Variants in CDCP1 observed in about 807,000 individuals in gnomAD.
CDCP1 encodes CUB domain containing protein 1.
In CDCP1, 29 loss-of-function variants were observed where a neutral mutation model predicts 60.2. The ratio of observed to expected loss-of-function variants is 0.48; its 90% CI spans 0.36 to 0.66. The LOEUF (loss-of-function observed/expected upper bound fraction) is 0.66, where lower values mean the gene tolerates loss of function less well. Ranked by LOEUF, CDCP1 falls within the 30% of genes least tolerant of loss-of-function variation. The pLI is 0.00. For missense variants in CDCP1, 876 were observed against 1,074.3 expected, an observed-to-expected ratio of 0.82 and a Z score of 2.58; for synonymous variants, 387 against 431.1, an observed-to-expected ratio of 0.90 and a Z score of 1.27.
intron 4 of CDCP1, among the ~76,000 whole-genome samples, chr3:45,105,106 A>G (rs1348570638): frequency 6.6e-6 from 1 of 152,208 alleles, no homozygotes; most frequent in African/African-American, 2.4e-5. Context: ...TGCCACCAAA[A>G]GAAAACCCTT....
Position 45,089,101 on chromosome 3 carries a change from G to C in CDCP1, c.2034C>G (p.Val678=), listed in dbSNP as rs1698247896. The C allele has an allele frequency of 6.2e-7, 1 of 1,614,104 alleles. No individual in the cohort carries two copies. Among genetic ancestry groups the C allele is most frequent in the Non-Finnish European group, 8.5e-7 (1 of 1,180,018 alleles). ...VILIAAVGGG[V]LLLSALGLII... ...TGAGCCCGAGGGCAGACAGCAGTAAGACTCCACCTCCCACCGCTGCGATGA... is the reference window on the plus strand; with the variant it reads ...TGAGCCCGAGGGCAGACAGCAGTAACACTCCACCTCCCACCGCTGCGATGA... Residue 678 remains valine, a synonymous_variant, in exon 8 of 9, where the codon GTC becomes GTG. Coordinates refer to ENST00000296129, the MANE Select transcript of CDCP1 (RefSeq NM_022842.5).
chr3:45,089,161 G>A lies in CDCP1; in HGVS notation c.1994-20C>T. The A allele has an allele frequency of 1.2e-6, 2 of 1,607,622 alleles. No individual in the cohort carries two copies. The highest frequency in any genetic ancestry group is 1.3e-5 in the African/African-American group (1 of 74,964). On this transcript the variant is annotated intron_variant, in intron 7 of 8. Coordinates refer to ENST00000296129, the MANE Select transcript of CDCP1 (RefSeq NM_022842.5). ...TCAAGTCTGTGAGCAGAGACATAAA[G>A]AGACAGATGAAGAGGCAGCTGGGGT...
intron 1 of CDCP1, among the ~76,000 whole-genome samples, chr3:45,134,363 A>G (rs1255291706): frequency 6.6e-6 from 1 of 152,076 alleles, no homozygotes; most frequent in African/African-American, 2.4e-5. Context: ...TGACCTCGTG[A>G]TCTCCCCGCC....
At chr3:45,101,955 G>A (rs948774345) in intron 4 of CDCP1, among the ~76,000 whole-genome samples, 5 of 151,754 alleles carry the variant, frequency 3.3e-5, no homozygotes. Context: ...CATCAAATAT[G>A]TACAGAGGGC....
chr3:45,127,370 C>T (rs1413068116), intron 1 of CDCP1, among the ~76,000 whole-genome samples: 1 of 152,028 alleles, frequency 6.6e-6, no homozygotes, highest in Non-Finnish European at 1.5e-5. Context: ...GAGGTCTGCC[C>T]GGGGGGTGTG....
At chr3:45,125,255 G>A (rs1297958696) in intron 1 of CDCP1, among the ~76,000 whole-genome samples, 1 of 152,206 alleles carries the variant, frequency 6.6e-6, no homozygotes, top group African/African-American at 2.4e-5. Flanking sequence ...GTGGGTAGAG[G>A]AGGCTGGAGA....
chr3:45,144,189 A>G (rs1184299287), intron 1 of CDCP1, among the ~76,000 whole-genome samples: 1 of 152,112 alleles, frequency 6.6e-6, no homozygotes, highest in Non-Finnish European at 1.5e-5. Context: ...TTTACTTTTC[A>G]TCTCTGCAGT....
At chr3:45,110,866 G>C in intron 3 of CDCP1, 25 bp from the exon 4 acceptor site, 1 of 1,592,466 alleles carries the variant, frequency 6.3e-7, no homozygotes, top group Non-Finnish European at 8.6e-7. Flanking sequence ...ACCCAAACCA[G>C]AAAGAATAGG....
At position 45,093,657 on chromosome 3, in the gene CDCP1, C is replaced by A. The variant is rs758922317; in HGVS notation, c.1247G>T (p.Ser416Ile). The A allele has an allele frequency of 6.9e-6, 11 of 1,604,642 alleles. No homozygotes were observed. Among genetic ancestry groups the A allele is most frequent in the Non-Finnish European group, 9.4e-6 (11 of 1,173,438 alleles). Residue 416 changes from serine (S) to isoleucine (I), a missense_variant and splice_region_variant, in exon 6 of 9, where the codon AGC (serine) becomes ATC (isoleucine). Around this residue, in one of 2 missense-constraint regions of CDCP1, gnomAD observed 726 missense variants for 935.7 expected, o/e 0.78. Transcript: ENST00000296129. Reference sequence around the variant, plus strand: ...TTGGCAGTACCGGTGGTCTGTGCAGCCTGGAAGAAGTGGGGCATGCTAGCC... The same window carrying A: ...TTGGCAGTACCGGTGGTCTGTGCAGACTGGAAGAAGTGGGGCATGCTAGCC... The part of the protein sequence containing the change: ...RLWMNVEKTI[S>I]CTDHRYCQRK...
intron 1 of CDCP1, among the ~76,000 whole-genome samples, chr3:45,145,871 A>C (rs1307857610): frequency 6.6e-6 from 1 of 151,994 alleles, no homozygotes; most frequent in Non-Finnish European, 1.5e-5. Flanking sequence ...GTCGCCTGGG[A>C]TCGGCTACCG....
intron 8 of CDCP1, among the ~76,000 whole-genome samples, chr3:45,087,066 T>C (rs1281540754): frequency 6.6e-6 from 1 of 152,142 alleles, no homozygotes; most frequent in Non-Finnish European, 1.5e-5. Flanking sequence ...GTAATGTTTG[T>C]CCCCACTAAA....
intron 4 of CDCP1, among the ~76,000 whole-genome samples, chr3:45,108,826 C>T (rs1275924253): frequency 2.2e-4 from 6 of 27,570 alleles, no homozygotes; most frequent in African/African-American, 5.7e-4. Context: ...CATATATATG[C>T]ATGTATATAT....
intron 8 of CDCP1, among the ~76,000 whole-genome samples, chr3:45,086,512 T>C (rs1185418726): frequency 2.0e-5 from 3 of 152,248 alleles, no homozygotes; most frequent in Non-Finnish European, 4.4e-5. Context: ...GCTCATGCTT[T>C]ATCTCTCTTT....
At chr3:45,088,028 A>AAAG (rs1308063215) in intron 8 of CDCP1, among the ~76,000 whole-genome samples, 7 of 151,890 alleles carry the variant, frequency 4.6e-5, no homozygotes, top group African/African-American at 1.7e-4. Flanking sequence ...CTTAAAAAAA[A>AAAG]AAAGAATTTT....
Position 45,091,244 on chromosome 3 carries a change from G to A in CDCP1, c.1922C>T (p.Ser641Phe). 6.2e-7 allele frequency: 1 copy of A among 1,614,028 alleles called. No homozygotes were observed. The highest frequency in any genetic ancestry group is 8.5e-7 in the Non-Finnish European group (1 of 1,180,022). The change falls in exon 7 of 9, where the codon TCT becomes TTT. Residue 641 changes from serine to phenylalanine, a missense_variant. Around this residue, in one of 2 missense-constraint regions of CDCP1, gnomAD observed 726 missense variants for 935.7 expected, o/e 0.78. Coordinates refer to ENST00000296129, the MANE Select transcript of CDCP1 (RefSeq NM_022842.5). This position sits in a 1 kb window ranked among gnomAD's most constrained non-coding sequence, Gnocchi z 4.8. ...CTTGCCGCTCGTGGGGCTGCAGTTA[G>A]AGATGTTGACCCAGAAGCTGTGATG... is the stretch of plus-strand genomic sequence containing the variant. The part of the protein sequence containing the change: ...FHHHSFWVNI[S>F]NCSPTSGKQL...
At chr3:45,136,363 T>G (rs1299689274) in intron 1 of CDCP1, among the ~76,000 whole-genome samples, 3 of 152,200 alleles carry the variant, frequency 2.0e-5, no homozygotes, top group Admixed American at 6.5e-5. Context: ...TTAGCCCTAC[T>G]GCTAAGAGCT....
chr3:45,085,765 G>A lies in CDCP1; in HGVS notation c.2384C>T (p.Pro795Leu). 1 of 1,614,188 alleles carries A rather than the reference G, an allele frequency of 6.2e-7. No individual in the cohort carries two copies. The highest frequency in any genetic ancestry group is 1.7e-5 in the Admixed American group (1 of 60,022). The change falls in exon 9 of 9, where the codon CCT becomes CTT. Residue 795 changes from proline (P) to leucine (L), a missense_variant. Physicochemically the swap from Pro to Leu is moderately conservative, Grantham distance 98. Around this residue, in one of 2 missense-constraint regions of CDCP1, gnomAD observed 726 missense variants for 935.7 expected, o/e 0.78. Transcript: ENST00000296129. This position sits in a 1 kb window ranked among gnomAD's most constrained non-coding sequence, Gnocchi z 4.2. ...ACTCTCAGACTCAGGAGGGGAGCGAGGAGGTGGCTCCTCAGTGGCCAACTT... is the reference window on the plus strand; with the variant it reads ...ACTCTCAGACTCAGGAGGGGAGCGAAGAGGTGGCTCCTCAGTGGCCAACTT... ...TAKLATEEPP[P>L]RSPPESESEP...
At chr3:45,096,188 TCTG>T (rs1453605204) in intron 4 of CDCP1, among the ~76,000 whole-genome samples, 1 of 152,202 alleles carries the variant, frequency 6.6e-6, no homozygotes, top group Non-Finnish European at 1.5e-5. Context: ...TCTTGTCTCT[TCTG>T]GGAACCAAAC....
intron 5 of CDCP1, among the ~76,000 whole-genome samples, chr3:45,093,952 T>C (rs1367892457): frequency 6.6e-6 from 1 of 152,198 alleles, no homozygotes; most frequent in Non-Finnish European, 1.5e-5. Context: ...TGTGTATCTG[T>C]GTCTTAGATG....
Sources: allele counts gnomAD v4.1 joint callset (sites outside exome capture counted in the v4.1 genomes callset), GRCh38; gene constraint gnomAD v4.1.1; regional missense constraint gnomAD v4.1.1; non-coding constraint Gnocchi (gnomAD v3.1); transcripts MANE v1.5; gene names NCBI Gene and HGNC (gene_info 2026-07-23, HGNC 2026-07-21).